Variants in SAE1 observed in about 807,000 individuals in gnomAD.
SAE1 encodes the protein SUMO-activating enzyme subunit 1.
A neutral mutation model predicts 40.6 loss-of-function variants in SAE1; 11 were observed. The observed-to-expected ratio is 0.27, with a 90% CI of 0.17 to 0.45. The LOEUF (loss-of-function observed/expected upper bound fraction) is 0.45, where lower values mean the gene tolerates loss of function less well. SAE1 is among the 20% of genes least tolerant of loss of function. The pLI is 1.00. For missense variants in SAE1, 373 were observed against 427.3 expected, an observed-to-expected ratio of 0.87 and a Z score of 1.12; for synonymous variants, 155 against 154.3, an observed-to-expected ratio of 1.00 and a Z score of -0.03.
At chr19:47,164,766 A>C (rs2123240260) in intron 5 of SAE1, among the ~76,000 whole-genome samples, 1 of 147,222 alleles carries the variant, frequency 6.8e-6, no homozygotes, top group East Asian at 2.0e-4. Context: ...CTCCTGCCTC[A>C]GCCTCCTGAG....
intron 5 of SAE1, among the ~76,000 whole-genome samples, chr19:47,166,881 T>C (rs1387678839): frequency 1.3e-5 from 2 of 152,204 alleles, no homozygotes; most frequent in African/African-American, 2.4e-5. Flanking sequence ...TCTTGTATAC[T>C]ATCTTTAACA....
Position 47,155,213 on chromosome 19 carries a change from G to C in SAE1, c.627G>C (p.Lys209Asn), listed in dbSNP as rs1186465491. 1 of 1,609,908 alleles carries C rather than the reference G, an allele frequency of 6.2e-7. No individual in the cohort carries two copies. The highest frequency in any genetic ancestry group is 8.5e-7 in the Non-Finnish European group (1 of 1,176,368). ...LDSSETTMVK[K>N]KVVFCPVKEA... ...CTTCTGAGACAACGATGGTCAAAAA[G>C]GTATGTGTAACGTGGGGGCAGAGGT... Residue 209 changes from lysine to asparagine, a missense_variant and splice_region_variant, in exon 5 of 9, where the codon AAG (lysine) becomes AAC (asparagine). Physicochemically the swap from Lys to Asn is moderately conservative, Grantham distance 94 (BLOSUM62 0). Coordinates refer to ENST00000270225, the MANE Select transcript of SAE1 (RefSeq NM_005500.3).
intron 8 of SAE1, among the ~76,000 whole-genome samples, chr19:47,207,206 C>A (rs1029542175): frequency 1.3e-5 from 2 of 152,126 alleles, no homozygotes; most frequent in African/African-American, 4.8e-5. Flanking sequence ...GTGCCTCCCA[C>A]CTGGGTAGCA....
Position 47,189,417 on chromosome 19 carries a change from C to T in SAE1, c.734-7816C>T, listed in dbSNP as rs910026717. Among the ~76,000 whole-genome samples, 9 of 152,128 alleles carry T rather than the reference C, an allele frequency of 5.9e-5. No homozygotes were observed. The East Asian group carries it at 1.4e-3, about 23-fold the overall frequency. On this transcript the variant is annotated intron_variant, in intron 6 of 8. Coordinates refer to ENST00000270225, the MANE Select transcript of SAE1 (RefSeq NM_005500.3). ...CTAAAAAATATGTATATAAATGAGC[C>T]GGGCGTAGTGGTGCGTGCCTGTAAT...
At chr19:47,196,406 C>T (rs2058616508) in intron 6 of SAE1, among the ~76,000 whole-genome samples, 1 of 134,008 alleles carries the variant, frequency 7.5e-6, no homozygotes, top group African/African-American at 2.8e-5. Context: ...CTCTGTCACC[C>T]AGGCTAGATT....
chr19:47,149,836 G>C (rs956436655), intron 2 of SAE1, among the ~76,000 whole-genome samples: 1 of 152,094 alleles, frequency 6.6e-6, no homozygotes, highest in Admixed American at 6.6e-5. Context: ...TCAGCACTTT[G>C]GGAGGCTGAG....
At chr19:47,136,895 G>C (rs1362903999) in intron 1 of SAE1, among the ~76,000 whole-genome samples, 1 of 152,154 alleles carries the variant, frequency 6.6e-6, no homozygotes, top group African/African-American at 2.4e-5. Flanking sequence ...TTGCCTCTAA[G>C]AGGGCTCTAG....
chr19:47,137,292 G>C (rs1158568293), intron 1 of SAE1, among the ~76,000 whole-genome samples: 2 of 152,104 alleles, frequency 1.3e-5, no homozygotes, highest in Non-Finnish European at 2.9e-5. Context: ...GGAGGCTGAG[G>C]CAGGAGAATT....
At chr19:47,201,070 CTT>C (rs1209138597) in intron 7 of SAE1, among the ~76,000 whole-genome samples, 1 of 150,190 alleles carries the variant, frequency 6.7e-6, no homozygotes, top group Non-Finnish European at 1.5e-5. Context: ...GAGATGGAGT[CTT>C]ACTCTGTCAC....
intron 6 of SAE1, among the ~76,000 whole-genome samples, chr19:47,171,911 T>A (rs1050541896): frequency 8.5e-5 from 13 of 152,184 alleles, no homozygotes; most frequent in East Asian, 3.9e-4. Context: ...GTATTTTTTT[T>A]AATGTTATTT....
intron 7 of SAE1, among the ~76,000 whole-genome samples, chr19:47,202,259 A>G (rs964821414): frequency 1.3e-5 from 2 of 152,056 alleles, no homozygotes; most frequent in African/African-American, 4.8e-5. Context: ...GTAATAGTTG[A>G]TAATATTTGG....
At chr19:47,173,248 C>T (rs753807476) in intron 6 of SAE1, among the ~76,000 whole-genome samples, 5 of 152,188 alleles carry the variant, frequency 3.3e-5, no homozygotes, top group African/African-American at 4.8e-5. Flanking sequence ...CCGCCTGCCT[C>T]GGCCTCCCAA....
chr19:47,209,261 T>A lies in SAE1; in HGVS notation c.*10T>A. On this transcript the variant is annotated 3_prime_UTR_variant, in exon 9 of 9. Transcript: ENST00000270225. Reference sequence around the variant, plus strand: ...CCTTGGCCCCAAGTGAACTCAAGATTTGGCAGCCCCAGAGATGCCAACTGC... The same window carrying A: ...CCTTGGCCCCAAGTGAACTCAAGATATGGCAGCCCCAGAGATGCCAACTGC... 6.2e-7 allele frequency: 1 copy of A among 1,614,128 alleles called. No individual in the cohort carries two copies. Among genetic ancestry groups the A allele is most frequent in the Non-Finnish European group, 8.5e-7 (1 of 1,180,014 alleles).
chr19:47,182,496 T>TGTGTGTGCGCGCGCGC (rs143321323), intron 6 of SAE1, among the ~76,000 whole-genome samples: 4 of 145,936 alleles, frequency 2.7e-5, no homozygotes, highest in African/African-American at 7.8e-5. Flanking sequence ...TGTGTGTGTG[T>TGTGTGTGCGCGCGCGC]GCGCGCACGC....
chr19:47,194,581 G>A lies in SAE1; in HGVS notation c.734-2652G>A, dbSNP rs2058601154. On this transcript the variant is annotated intron_variant, in intron 6 of 8. Coordinates refer to ENST00000270225, the MANE Select transcript of SAE1 (RefSeq NM_005500.3). Reference sequence around the variant, plus strand: ...CTCTGTGTCTGTTCTGAAATAGCCTGTGTGATGTGGGAGAAAGAGTATTGT... The same window carrying A: ...CTCTGTGTCTGTTCTGAAATAGCCTATGTGATGTGGGAGAAAGAGTATTGT... Among the ~76,000 whole-genome samples the A allele has an allele frequency of 2.0e-5, 3 of 152,172 alleles. No homozygotes were observed. The South Asian group carries it at 6.2e-4, about 32-fold the overall frequency.
intron 2 of SAE1, among the ~76,000 whole-genome samples, chr19:47,148,976 A>G (rs2058270534): frequency 6.6e-6 from 1 of 151,558 alleles, no homozygotes; most frequent in Admixed American, 6.6e-5. Context: ...TGATTTTTGC[A>G]CAAGTTTGAT....
chr19:47,180,765 G>T (rs2058500742), intron 6 of SAE1, among the ~76,000 whole-genome samples: 1 of 152,186 alleles, frequency 6.6e-6, no homozygotes, highest in Admixed American at 6.6e-5. Flanking sequence ...CGAAGCTGCA[G>T]TGAGTTGTGA....
At chr19:47,156,771 A>G (rs555019150) in intron 5 of SAE1, among the ~76,000 whole-genome samples, 13 of 152,276 alleles carry the variant, frequency 8.5e-5, no homozygotes, top group African/African-American at 3.1e-4. Flanking sequence ...AATGTAGTTT[A>G]TATTAGGGGC....
chr19:47,198,520 A>T (rs1482686532), intron 7 of SAE1, among the ~76,000 whole-genome samples: 2 of 152,176 alleles, frequency 1.3e-5, no homozygotes, highest in Non-Finnish European at 2.9e-5. Flanking sequence ...AGCTTGTAGC[A>T]GTGATAATGA....
Sources: allele counts gnomAD v4.1 joint callset (sites outside exome capture counted in the v4.1 genomes callset), GRCh38; gene constraint gnomAD v4.1.1; transcripts MANE v1.5; gene names NCBI Gene and HGNC (gene_info 2026-07-23, HGNC 2026-07-21).